C19orf47: variants seen among roughly 807,000 people sequenced by gnomAD.
The protein encoded by C19orf47 is chromosome 19 open reading frame 47.
In C19orf47, 18 loss-of-function variants were observed where a neutral mutation model predicts 32.3. The observed-to-expected ratio is 0.56, with a 90% confidence interval of 0.39 to 0.83. C19orf47 has a LOEUF of 0.83. Ranked by LOEUF, C19orf47 falls within the 40% of genes least tolerant of loss-of-function variation. C19orf47 has a pLI of 0.00. For missense variants in C19orf47, 484 were observed against 531.6 expected (o/e 0.91, Z 0.88); for synonymous variants, 202 against 211.1 (o/e 0.96, Z 0.37).
intron 8 of C19orf47, 108 bp from the exon 9 acceptor site, chr19:40,322,484 A>C (rs2077741554): frequency 7.7e-7 from 1 of 1,299,258 alleles, no homozygotes. Flanking sequence ...GTTGGGAGAA[A>C]CACCCATCAC....
chr19:40,337,627 T>C (rs2078091501), intron 2 of C19orf47, among the ~76,000 whole-genome samples: 1 of 152,186 alleles, frequency 6.6e-6, no homozygotes, highest in African/African-American at 2.4e-5. Context: ...AGAAGAAATC[T>C]GTTATTACCT....
chr19:40,330,237 T>G (rs2077921374), intron 5 of C19orf47, among the ~76,000 whole-genome samples: 1 of 147,836 alleles, frequency 6.8e-6, no homozygotes, highest in African/African-American at 2.5e-5. Context: ...CTTTTTTTTC[T>G]TTTTTTTTTG....
chr19:40,323,132 A>G (rs565527676), intron 8 of C19orf47, among the ~76,000 whole-genome samples: 3 of 152,354 alleles, frequency 2.0e-5, no homozygotes, highest in African/African-American at 7.2e-5. Context: ...TTCCAGCCAC[A>G]TGATCCCGAG....
chr19:40,345,910 C>T (rs568901709), intron 1 of C19orf47, among the ~76,000 whole-genome samples: 5 of 145,312 alleles, frequency 3.4e-5, no homozygotes, highest in Admixed American at 2.1e-4. Flanking sequence ...GTAATCCCAA[C>T]GCTTTGGGAG....
chr19:40,301,312 CTTTT>C, the C19orf47 span, among the ~76,000 whole-genome samples: 1 of 135,780 alleles, frequency 7.4e-6, no homozygotes, highest in African/African-American at 3.0e-5. Flanking sequence ...CCTTGAGAGG[CTTTT>C]ATTTATTTAT....
downstream of C19orf47, among the ~76,000 whole-genome samples, chr19:40,316,418 G>A (rs150097002): frequency 2.0e-4 from 31 of 152,294 alleles, no homozygotes; most frequent in Admixed American, 2.6e-4. Flanking sequence ...CCCTGGGCTC[G>A]CTGCACCACC....
Position 40,321,172 on chromosome 19 carries a change from T to A in C19orf47, c.*710A>T, listed in dbSNP as rs894210635. ...CCCGCCATACACTTTCAGAGACAGA[T>A]GCCCAGGGCAGGAAAACGGATGCGC... On this transcript the variant is annotated 3_prime_UTR_variant, in exon 9 of 9. Coordinates refer to ENST00000683109, the MANE Select transcript of C19orf47 (RefSeq NM_001256441.2). 39 of 930,318 alleles carry A rather than the reference T, an allele frequency of 4.2e-5. No homozygotes were observed. Among genetic ancestry groups the A allele is most frequent in the Non-Finnish European group, 5.0e-5 (39 of 778,546 alleles). 57.6% of individuals were successfully genotyped at this position (930,318 alleles called of 1,614,324 possible). A position where few individuals can be genotyped will look rare whatever the true frequency, so the allele number is the denominator to read the frequency against.
At chr19:40,296,597 TA>T in the C19orf47 span, among the ~76,000 whole-genome samples, 1 of 152,028 alleles carries the variant, frequency 6.6e-6, no homozygotes, top group East Asian at 1.9e-4. Flanking sequence ...TTCGTATATC[TA>T]AACATAGAAA....
chr19:40,348,502 C>A (rs750027114), upstream of C19orf47: 148 of 1,492,516 alleles, frequency 9.9e-5, no homozygotes, highest in East Asian at 2.8e-3. Flanking sequence ...AGCGAGAGTG[C>A]GGCCATAACC....
In C19orf47 at chr19:40,321,888, G is replaced by C; in HGVS notation, c.1152C>G (p.Thr384=). ...VSVFKRLGRR[T]F is the part of the protein sequence containing the mutation. ...CACCCCGCCCACAGGTGGGCTAGAA[G>C]GTCCTGCGGCCCAGTCTTTTGAACA... The change falls in exon 9 of 9, where the codon ACC becomes ACG. Residue 384 remains threonine (T), a synonymous_variant. Transcript: ENST00000683109. 6.3e-7 allele frequency: 1 copy of C among 1,588,272 alleles called. No individual in the cohort carries two copies. Among genetic ancestry groups the C allele is most frequent in the Non-Finnish European group, 8.6e-7 (1 of 1,167,090 alleles).
Position 40,333,853 on chromosome 19 carries a change from C to T in C19orf47, c.299G>A (p.Ser100Asn). 6.4e-7 allele frequency: 1 copy of T among 1,570,100 alleles called. No individual in the cohort carries two copies. The highest frequency in any genetic ancestry group is 8.6e-7 in the Non-Finnish European group (1 of 1,156,092). Residue 100 changes from serine to asparagine, a missense_variant and splice_region_variant, in exon 5 of 9, where the codon AGT (serine) becomes AAT (asparagine). Physicochemically the swap from Ser to Asn is conservative, Grantham distance 46. Coordinates refer to ENST00000683109, the MANE Select transcript of C19orf47 (RefSeq NM_001256441.2). ...AGGCCTGAATAGTTAGGACTCACCACTGGTGCCACGGCGAATTTCGCCTGC... is the reference window on the plus strand; with the variant it reads ...AGGCCTGAATAGTTAGGACTCACCATTGGTGCCACGGCGAATTTCGCCTGC... ...PLAGEIRRGT[S>N]AASRMITNSL...
the C19orf47 span, among the ~76,000 whole-genome samples, chr19:40,296,008 AG>A: frequency 6.6e-5 from 10 of 152,328 alleles, 1 homozygote; most frequent in South Asian, 2.1e-3. Context: ...GGCCTCCCAA[AG>A]TGCTGGGATT....
In C19orf47 at chr19:40,341,678, C is replaced by T. The variant is rs2078180282; in HGVS notation, c.19+161G>A. 8 of 991,718 alleles carry T rather than the reference C, an allele frequency of 8.1e-6. No homozygotes were observed. In the East Asian group the frequency reaches 1.6e-4, roughly 20 times the overall value. The allele number at this position is 991,718 out of a possible 1,614,324, so 61.4% of individuals were successfully genotyped here. ...GAGATCCAGTGATGAGGCGGGCAGG[C>T]CTCAAGCAGTTCCAGCCCCACCCTG... On this transcript the variant is annotated intron_variant, in intron 2 of 8. Coordinates refer to ENST00000683109, the MANE Select transcript of C19orf47 (RefSeq NM_001256441.2).
In C19orf47 at chr19:40,324,956, T is replaced by C. The variant is rs1373080858; in HGVS notation, c.593-880A>G. 8.2e-5 allele frequency among the ~76,000 whole-genome samples: 12 copies of C among 146,376 alleles called. No individual in the cohort carries two copies. In the South Asian group the frequency reaches 2.4e-3, roughly 29 times the overall value. ...GCCCAGGCAACAGAGCAAGACTCTG[T>C]CTCAAAAAAAAAAAAAGAAAAGAAA... On this transcript the variant is annotated intron_variant, in intron 7 of 8. Coordinates refer to ENST00000683109, the MANE Select transcript of C19orf47 (RefSeq NM_001256441.2).
intron 5 of C19orf47, among the ~76,000 whole-genome samples, chr19:40,330,540 CTTT>C (rs398034615): frequency 4.6e-5 from 3 of 64,598 alleles, no homozygotes; most frequent in African/African-American, 6.9e-5. Context: ...ACCCGGCCCT[CTTT>C]TTTTTTTTTT....
the C19orf47 span, among the ~76,000 whole-genome samples, chr19:40,308,551 C>A: frequency 6.6e-6 from 1 of 151,530 alleles, no homozygotes; most frequent in Non-Finnish European, 1.5e-5. Flanking sequence ...GCAACCTCCA[C>A]CTCCCAGGTT....
At chr19:40,307,871 T>C in the C19orf47 span, among the ~76,000 whole-genome samples, 11 of 151,784 alleles carry the variant, frequency 7.2e-5, no homozygotes, top group Admixed American at 2.0e-4. Context: ...CAATTTTGGC[T>C]CACTGCAACT....
chr19:40,321,981 C>T lies in C19orf47; in HGVS notation c.1059G>A (p.Val353=), dbSNP rs2077727271. The change falls in exon 9 of 9, where the codon GTG becomes GTA. Residue 353 remains valine (V), a synonymous_variant. Transcript: ENST00000683109. The part of the protein sequence containing the change: ...EVKVTIKRTL[V]GPRGSSSSEG... ...CGCTGGAGCTGCTCCCCCGGGGCCC[C>T]ACCAGAGTCCTCTTAATGGTGACCT... 1 of 1,613,986 alleles carries T rather than the reference C, an allele frequency of 6.2e-7. No homozygotes were observed. Among genetic ancestry groups the T allele is most frequent in the Non-Finnish European group, 8.5e-7 (1 of 1,179,926 alleles).
chr19:40,344,966 C>T (rs2078244433), intron 1 of C19orf47, among the ~76,000 whole-genome samples: 1 of 152,156 alleles, frequency 6.6e-6, no homozygotes, highest in Non-Finnish European at 1.5e-5. Flanking sequence ...TCCCTTGAGC[C>T]TAGGAGTTCA....
Sources: allele counts gnomAD v4.1 joint callset (sites outside exome capture counted in the v4.1 genomes callset), GRCh38; gene constraint gnomAD v4.1.1; transcripts MANE v1.5; gene names NCBI Gene and HGNC (gene_info 2026-07-23, HGNC 2026-07-21).